SHLD1: variants seen among roughly 807,000 people sequenced by gnomAD.
SHLD1 encodes the protein shieldin complex subunit 1.
Under a neutral mutation model 5.5 loss-of-function variants are expected in SHLD1, and 3 were observed. The observed-to-expected ratio is 0.54, with a 90% CI of 0.25 to 1.40. SHLD1 has a LOEUF of 1.40. SHLD1 is among the 40% of genes most tolerant of loss of function. The pLI, the probability that SHLD1 is intolerant of heterozygous loss-of-function variation, is 0.15. For synonymous variants in SHLD1, 92 were observed against 94.3 expected, an observed-to-expected ratio of 0.98 and a Z score of 0.14; for missense variants, 210 against 244.4, an observed-to-expected ratio of 0.86 and a Z score of 0.94.
At chr20:5,837,143 G>A (rs950531136) in intron 2 of SHLD1, among the ~76,000 whole-genome samples, 2 of 152,152 alleles carry the variant, frequency 1.3e-5, no homozygotes, top group African/African-American at 2.4e-5. Flanking sequence ...AGGAGCTATC[G>A]CAACAGGCTA....
chr20:5,798,581 C>T (rs1301180809), intron 2 of SHLD1, among the ~76,000 whole-genome samples: 2 of 145,324 alleles, frequency 1.4e-5, no homozygotes, highest in East Asian at 2.1e-4. Context: ...GGATTACAGG[C>T]GTAAGCCACT....
chr20:5,831,659 G>A (rs1414558887), intron 2 of SHLD1, among the ~76,000 whole-genome samples: 4 of 151,986 alleles, frequency 2.6e-5, no homozygotes, highest in Non-Finnish European at 5.9e-5. Flanking sequence ...GCAAAGATTC[G>A]CTTTTAAGTG....
Position 5,855,621 on chromosome 20 carries a change from C to A in SHLD1, c.179-7403C>A, listed in dbSNP as rs115984558. ...TCCTGGGCTCAAGAGATCCACTTTC[C>A]TTGGCCCCCCAAAGTGCTGGGATTA... is the stretch of plus-strand genomic sequence containing the variant. On this transcript the variant is annotated intron_variant, in intron 2 of 2. Coordinates refer to ENST00000303142, the MANE Select transcript of SHLD1 (RefSeq NM_152504.4). This position sits in a 1 kb window ranked among gnomAD's most constrained non-coding sequence, Gnocchi z 4.4. Among the ~76,000 whole-genome samples, 1,057 of 152,326 alleles carry A rather than the reference C, an allele frequency of 6.9e-3. 12 individuals are homozygous for A. The highest frequency in any genetic ancestry group is 0.024 in the African/African-American group (999 of 41,570).
chr20:5,861,434 A>G (rs1027851269), intron 2 of SHLD1, among the ~76,000 whole-genome samples: 1 of 152,244 alleles, frequency 6.6e-6, no homozygotes, highest in Non-Finnish European at 1.5e-5. Flanking sequence ...CCATCTGTCT[A>G]TCTTCAACAA....
chr20:5,794,989 A>G (rs747622759), intron 2 of SHLD1, among the ~76,000 whole-genome samples: 2 of 152,306 alleles, frequency 1.3e-5, no homozygotes, highest in South Asian at 4.1e-4. Context: ...CTGTAATCCC[A>G]GCACTTTGGG....
rs549224385 is a variant in SHLD1, at chr20:5,790,430, G to A, written c.178+17387G>A. Among the ~76,000 whole-genome samples, 25 of 150,890 alleles carry A rather than the reference G, an allele frequency of 1.7e-4. 1 individual carries two copies. In the South Asian group the frequency reaches 3.4e-3, roughly 20 times the overall value. ...CAATCACAAAAGTAGGCCAGGACCTGCATGCTAACATAAAGGATTTCTTTT... is the reference window on the plus strand; with the variant it reads ...CAATCACAAAAGTAGGCCAGGACCTACATGCTAACATAAAGGATTTCTTTT... On this transcript the variant is annotated intron_variant, in intron 2 of 2. Transcript: ENST00000303142.
chr20:5,759,709 G>C (rs1269949828), intron 1 of SHLD1, among the ~76,000 whole-genome samples: 1 of 151,458 alleles, frequency 6.6e-6, no homozygotes, highest in Admixed American at 6.6e-5. Flanking sequence ...AATTTTTTTT[G>C]TTTGTTTGTT....
At chr20:5,755,893 C>G (rs1851965264) in intron 1 of SHLD1, among the ~76,000 whole-genome samples, 1 of 152,104 alleles carries the variant, frequency 6.6e-6, no homozygotes, top group African/African-American at 2.4e-5. Flanking sequence ...AATGTCCCCT[C>G]AAAAGATGGC....
intron 2 of SHLD1, among the ~76,000 whole-genome samples, chr20:5,836,067 T>G (rs1238996247): frequency 6.6e-6 from 1 of 152,146 alleles, no homozygotes; most frequent in Non-Finnish European, 1.5e-5. Context: ...CTGTCTATTT[T>G]TTTTTCTCGT....
At chr20:5,859,973 T>C (rs2088138598) in intron 2 of SHLD1, among the ~76,000 whole-genome samples, 1 of 152,238 alleles carries the variant, frequency 6.6e-6, no homozygotes, top group Non-Finnish European at 1.5e-5. Flanking sequence ...ACTTACCAAG[T>C]ACGTGCCATG....
At chr20:5,839,053 G>T (rs952784871) in intron 2 of SHLD1, among the ~76,000 whole-genome samples, 3 of 152,136 alleles carry the variant, frequency 2.0e-5, no homozygotes, top group African/African-American at 7.2e-5. Context: ...TGCTAGTTGA[G>T]GTTGTATGCT....
intron 2 of SHLD1, among the ~76,000 whole-genome samples, chr20:5,797,220 G>T (rs474922): frequency 0.91 from 138,046 of 152,152 alleles, 62,702 homozygotes; most frequent in East Asian, 1. Flanking sequence ...AGGGGAGCAA[G>T]GGAGTGATTA....
chr20:5,769,145 G>A (rs758479153), intron 1 of SHLD1, among the ~76,000 whole-genome samples: 13 of 152,176 alleles, frequency 8.5e-5, no homozygotes, highest in Non-Finnish European at 1.8e-4. Context: ...GGGCTCAAGA[G>A]ATGCTTCTGC....
chr20:5,792,270 A>G (rs1355215077), intron 2 of SHLD1, among the ~76,000 whole-genome samples: 6 of 152,158 alleles, frequency 3.9e-5, no homozygotes, highest in African/African-American at 1.4e-4. Context: ...TGCCAAGTCT[A>G]ATGTCATGAA....
chr20:5,861,368 C>A (rs923805158), intron 2 of SHLD1, among the ~76,000 whole-genome samples: 1 of 152,250 alleles, frequency 6.6e-6, no homozygotes, highest in South Asian at 2.1e-4. Flanking sequence ...GTAACGATGT[C>A]TCTTCTTCCT....
At chr20:5,845,095 G>T (rs1057215967) in intron 2 of SHLD1, among the ~76,000 whole-genome samples, 4 of 152,034 alleles carry the variant, frequency 2.6e-5, no homozygotes, top group African/African-American at 9.7e-5. Context: ...ACCGTGCCCA[G>T]CCAGACATAT....
At chr20:5,793,592 A>T (rs1386863709) in intron 2 of SHLD1, among the ~76,000 whole-genome samples, 2 of 152,224 alleles carry the variant, frequency 1.3e-5, no homozygotes, top group Non-Finnish European at 2.9e-5. Context: ...GTATTTTTAA[A>T]AGTTTAATTT....
intron 2 of SHLD1, among the ~76,000 whole-genome samples, chr20:5,810,649 C>T (rs8121216): frequency 0.016 from 2,444 of 151,440 alleles, 40 homozygotes; most frequent in African/African-American, 0.03. Context: ...ATCCCAGCAC[C>T]TTGGGAGGCT....
intron 2 of SHLD1, among the ~76,000 whole-genome samples, chr20:5,798,355 T>G (rs1322337192): frequency 6.6e-6 from 1 of 151,734 alleles, no homozygotes; most frequent in Admixed American, 6.6e-5. Context: ...CAGGCTAGAG[T>G]GCAGTGGCGT....
Sources: gnomAD v4.1 joint callset for allele counts (sites outside exome capture counted in the v4.1 genomes callset) on GRCh38, gnomAD v4.1.1 for gene constraint, Gnocchi (gnomAD v3.1) non-coding constraint, MANE v1.5 for transcripts, NCBI Gene and HGNC (gene_info 2026-07-23, HGNC 2026-07-21) for gene names.